DNAH10: variants seen among roughly 807,000 people sequenced by gnomAD.
DNAH10 encodes the protein axonemal beta dynein heavy chain 10.
DNAH10 carries 348 observed loss-of-function variants against 506.6 expected under a neutral mutation model. The observed-to-expected ratio is 0.69, with a 90% CI of 0.63 to 0.75. The LOEUF (loss-of-function observed/expected upper bound fraction) is 0.75, where lower values mean the gene tolerates loss of function less well. Ranked by LOEUF, DNAH10 falls within the 30% of genes least tolerant of loss-of-function variation. The pLI is 0.00. For synonymous variants in DNAH10, 2,059 were observed against 2,198.6 expected (o/e 0.94, Z 1.78); for missense variants, 5,179 against 5,787.1 (o/e 0.89, Z 3.41).
chr12:123,875,107 T>G (rs918847316), intron 46 of DNAH10, 124 bp from the exon 47 acceptor site: 1 of 1,144,866 alleles, frequency 8.7e-7, no homozygotes, highest in Non-Finnish European at 1.2e-6. Flanking sequence ...CCCATGAAAC[T>G]GAAACCGAGG....
rs773250523 is a variant in DNAH10, at chr12:123,799,225, G to A, written c.2164-21G>A. 11 of 1,592,516 alleles carry A rather than the reference G, an allele frequency of 6.9e-6. No homozygotes were observed. The Admixed American group carries it at 1.0e-4, about 15-fold the overall frequency. On this transcript the variant is annotated intron_variant, in intron 13 of 78. Coordinates refer to ENST00000673944, the MANE Select transcript of DNAH10 (RefSeq NM_001372106.1). ...TGTTATTTTCAAGGACAAAATGACG[G>A]TTGCTTGAATTCTTTGATAGGTCAA...
intron 38 of DNAH10, among the ~76,000 whole-genome samples, chr12:123,859,507 A>G (rs1360078601): frequency 6.6e-6 from 1 of 152,178 alleles, no homozygotes; most frequent in Non-Finnish European, 1.5e-5. Context: ...TCATTTGTGA[A>G]ATGAGAATTT....
intron 19 of DNAH10, among the ~76,000 whole-genome samples, chr12:123,811,533 C>T (rs779932259): frequency 1.3e-5 from 2 of 151,042 alleles, no homozygotes; most frequent in Admixed American, 6.6e-5. Context: ...TAGAGTCTTG[C>T]TGTTTCGCCT....
intron 13 of DNAH10, among the ~76,000 whole-genome samples, chr12:123,797,248 C>T (rs1040106693): frequency 6.6e-6 from 1 of 152,190 alleles, no homozygotes; most frequent in African/African-American, 2.4e-5. Context: ...AGGCTGCTGC[C>T]GCCATGCAGC....
chr12:123,860,919 T>C (rs1300378343), intron 38 of DNAH10, 93 bp from the exon 39 acceptor site: 1 of 1,564,318 alleles, frequency 6.4e-7, no homozygotes, highest in African/African-American at 1.4e-5. Flanking sequence ...TGGATTAAAG[T>C]CAAAACATCT....
At chr12:123,806,592 C>T (rs574444189) in intron 18 of DNAH10, among the ~76,000 whole-genome samples, 2 of 152,216 alleles carry the variant, frequency 1.3e-5, no homozygotes, top group Admixed American at 1.3e-4. Context: ...AAACAAAAAC[C>T]TTTGGTCTTC....
At chr12:123,870,226 C>A in intron 43 of DNAH10, 140 bp from the exon 44 acceptor site, 2 of 1,092,534 alleles carry the variant, frequency 1.8e-6, no homozygotes, top group Non-Finnish European at 2.6e-6. Context: ...GGTATCTGTC[C>A]AGTGAAGGAG....
intron 36 of DNAH10, among the ~76,000 whole-genome samples, chr12:123,854,273 A>T (rs113794366): frequency 6.6e-6 from 1 of 152,114 alleles, no homozygotes; most frequent in African/African-American, 2.4e-5. Context: ...TTGAAGGGCG[A>T]TCATGCTATT....
At chr12:123,779,805 A>C (rs931220595) in intron 5 of DNAH10, among the ~76,000 whole-genome samples, 3 of 152,174 alleles carry the variant, frequency 2.0e-5, no homozygotes, top group Non-Finnish European at 4.4e-5. Flanking sequence ...GTTCTTCAGT[A>C]TGTTGCAGGA....
chr12:123,800,590 G>T (rs201470027), intron 15 of DNAH10, among the ~76,000 whole-genome samples: 1 of 151,796 alleles, frequency 6.6e-6, no homozygotes, highest in African/African-American at 2.4e-5. Flanking sequence ...GGAGGCTTAG[G>T]TGGGAGGATT....
At chr12:123,826,624 G>T (rs916347395) in intron 24 of DNAH10, 63 bp from the exon 25 acceptor site, 3 of 1,458,666 alleles carry the variant, frequency 2.1e-6, no homozygotes, top group Non-Finnish European at 2.8e-6. Flanking sequence ...TCAAGAACTT[G>T]CTCTCCTTGT....
intron 11 of DNAH10, 50 bp downstream of exon 11, chr12:123,790,171 C>T (rs752623205): frequency 1.0e-5 from 16 of 1,565,742 alleles, no homozygotes; most frequent in Non-Finnish European, 1.2e-5. Context: ...ACCATGTTTT[C>T]TCTGTGTTAA....
In DNAH10 at chr12:123,881,563, A is replaced by ATGGGTAGATTGTAAAACCCACCATGC; in HGVS notation, c.8635-56_8635-31dup. 4 of 1,440,430 alleles carry ATGGGTAGATTGTAAAACCCACCATGC rather than the reference A, an allele frequency of 2.8e-6. 1 individual carries two copies. The East Asian group carries it at 1.1e-4, about 38-fold the overall frequency. The allele number at this position is 1,440,430 out of a possible 1,614,324, so 89.2% of individuals were successfully genotyped here. A position where few individuals can be genotyped will look rare whatever the true frequency, so the allele number is the denominator to read the frequency against. On this transcript the variant is annotated intron_variant, in intron 50 of 78. Transcript: ENST00000673944. Reference sequence around the variant, plus strand: ...ATTCTGGATATTAGCCCTTTGTCAGATGGGTAGATTGTAAAACCCACCATG... The same window carrying ATGGGTAGATTGTAAAACCCACCATGC: ...ATTCTGGATATTAGCCCTTTGTCAGATGGGTAGATTGTAAAACCCACCATGCTGGGTAGATTGTAAAACCCACCATG...
At position 123,894,631 on chromosome 12, in the gene DNAH10, T is replaced by G; in HGVS notation, c.9200-12T>G. ...GCTGGGAGCATCTTTTTAATCTCTCTTTCCTTTCAAGGTATGGTAAATAAC... is the reference window on the plus strand; with the variant it reads ...GCTGGGAGCATCTTTTTAATCTCTCGTTCCTTTCAAGGTATGGTAAATAAC... On this transcript the variant is annotated splice_polypyrimidine_tract_variant and intron_variant, in intron 53 of 78. Coordinates refer to ENST00000673944, the MANE Select transcript of DNAH10 (RefSeq NM_001372106.1). 6.2e-7 allele frequency: 1 copy of G among 1,613,194 alleles called. No individual in the cohort carries two copies. The highest frequency in any genetic ancestry group is 8.5e-7 in the Non-Finnish European group (1 of 1,179,182).
Position 123,881,811 on chromosome 12 carries a change from G to A in DNAH10, c.8821G>A (p.Glu2941Lys), listed in dbSNP as rs1437287060. 2.0e-6 allele frequency: 3 copies of A among 1,511,006 alleles called. No individual in the cohort carries two copies. The highest frequency in any genetic ancestry group is 2.5e-5 in the Admixed American group (1 of 39,798). The allele number at this position is 1,511,006 out of a possible 1,614,324, so 93.6% of individuals were successfully genotyped here. Residue 2941 changes from glutamate (E) to lysine (K), a missense_variant and splice_region_variant, in exon 51 of 79, where the codon GAG (glutamate) becomes AAG (lysine). Transcript: ENST00000673944. ...SRLAAFTASCEVFEILLSRGY... is the reference protein window; with the variant it reads ...SRLAAFTASCKVFEILLSRGY... The stretch of plus-strand genomic sequence containing the variant: ...GCTGGCTGCCTTCACAGCCAGCTGT[G>A]AGGTCAGTCCACGTACCCTCCCAGA...
chr12:123,809,916 C>T (rs2136332185), intron 19 of DNAH10, among the ~76,000 whole-genome samples: 1 of 152,256 alleles, frequency 6.6e-6, no homozygotes, highest in South Asian at 2.1e-4. Flanking sequence ...ATCTCCATAG[C>T]TGTTCCCTCA....
At chr12:123,864,152 T>C (rs994181720) in intron 39 of DNAH10, among the ~76,000 whole-genome samples, 4 of 148,802 alleles carry the variant, frequency 2.7e-5, no homozygotes, top group South Asian at 2.2e-4. Context: ...TCTTTTTTTT[T>C]TTTTTTTTTT....
In DNAH10 at chr12:123,813,757, C is replaced by T; in HGVS notation, c.3625C>T (p.Leu1209=). The T allele has an allele frequency of 6.2e-7, 1 of 1,613,186 alleles. No individual in the cohort carries two copies. The highest frequency in any genetic ancestry group is 8.5e-7 in the Non-Finnish European group (1 of 1,179,844). Residue 1209 remains leucine, a synonymous_variant, in exon 21 of 79, where the codon CTG becomes TTG. Coordinates refer to ENST00000673944, the MANE Select transcript of DNAH10 (RefSeq NM_001372106.1). ...TTCTTTGTACTTTCTGTTATAGCAC[C>T]TGGCCAAAAACCTTAGGAAGATCCC... is the stretch of plus-strand genomic sequence containing the variant. ...LYNLHEEMEH[L]AKNLRKIPNT...
Position 123,909,005 on chromosome 12 carries a change from G to C in DNAH10, c.9816-256G>C, listed in dbSNP as rs929490860. On this transcript the variant is annotated intron_variant, in intron 57 of 78. Transcript: ENST00000673944. The surrounding 1 kb of genome is among the most constrained non-coding windows in gnomAD (Gnocchi z 5.4). ...GATCCAGACGCTCCGGGGACGGCCT[G>C]GGTTTGTATTTTAATGCTGCCCCCG... 1.3e-5 allele frequency among the ~76,000 whole-genome samples: 2 copies of C among 152,178 alleles called. No homozygotes were observed.
Sources: gnomAD v4.1 joint callset for allele counts (sites outside exome capture counted in the v4.1 genomes callset) on GRCh38, gnomAD v4.1.1 for gene constraint, Gnocchi (gnomAD v3.1) non-coding constraint, MANE v1.5 for transcripts, NCBI Gene and HGNC (gene_info 2026-07-23, HGNC 2026-07-21) for gene names.